Variants in SYNDIG1 observed in about 807,000 individuals in gnomAD.
The protein encoded by SYNDIG1 is synapse differentiation-inducing gene protein 1.
In SYNDIG1, 9 loss-of-function variants were observed where a neutral mutation model predicts 19.4. The observed-to-expected ratio is 0.46, with a 90% CI of 0.28 to 0.81. The LOEUF is 0.81. Among genes scored for constraint, SYNDIG1 ranks in the 30% least tolerant of loss-of-function variants. SYNDIG1 has a pLI of 0.12. For synonymous variants in SYNDIG1, 141 were observed against 145.9 expected, an observed-to-expected ratio of 0.97 and a Z score of 0.24; for missense variants, 311 against 343.3, an observed-to-expected ratio of 0.91 and a Z score of 0.74.
chr20:24,551,828 T>A (rs2057711430), intron 2 of SYNDIG1, among the ~76,000 whole-genome samples: 1 of 152,234 alleles, frequency 6.6e-6, no homozygotes, highest in South Asian at 2.1e-4. Flanking sequence ...TTAAATCTCA[T>A]TAAGGTTGAA....
chr20:24,574,033 A>T (rs1001099049), intron 2 of SYNDIG1, among the ~76,000 whole-genome samples: 23 of 152,308 alleles, frequency 1.5e-4, no homozygotes, highest in African/African-American at 5.5e-4. Context: ...CTCAGAATAC[A>T]TCTTACACTG....
At chr20:24,629,925 A>C (rs1485907275) in intron 3 of SYNDIG1, among the ~76,000 whole-genome samples, 1 of 152,154 alleles carries the variant, frequency 6.6e-6, no homozygotes, top group Non-Finnish European at 1.5e-5. Context: ...TCCTGCTGCC[A>C]AGTGGCCTTT....
intron 3 of SYNDIG1, among the ~76,000 whole-genome samples, chr20:24,615,883 A>G (rs1199517837): frequency 6.9e-6 from 1 of 144,326 alleles, no homozygotes; most frequent in Non-Finnish European, 1.5e-5. Flanking sequence ...GTCCAGGGAA[A>G]TCATTTAGCA....
At chr20:24,568,904 A>G (rs2058095770) in intron 2 of SYNDIG1, among the ~76,000 whole-genome samples, 1 of 152,126 alleles carries the variant, frequency 6.6e-6, no homozygotes, top group Admixed American at 6.5e-5. Context: ...ACCTCCACTC[A>G]TCAGCTGGGC....
chr20:24,484,898 AGGGGTTT>A (rs1407443931), intron 1 of SYNDIG1, among the ~76,000 whole-genome samples: 1 of 151,934 alleles, frequency 6.6e-6, no homozygotes, highest in African/African-American at 2.4e-5. Flanking sequence ...GCCTAGTGGG[AGGGGTTT>A]GGGTGATGGG....
intron 1 of SYNDIG1, among the ~76,000 whole-genome samples, chr20:24,513,075 A>G (rs1343858688): frequency 2.6e-5 from 4 of 152,234 alleles, no homozygotes; most frequent in Non-Finnish European, 5.9e-5. Context: ...CCTGACTGTT[A>G]GAAGGAAAAC....
In SYNDIG1 at chr20:24,542,916, C is replaced by T. The variant is rs75504580; in HGVS notation, c.-78-104C>T. 7.0e-4 allele frequency: 578 copies of T among 828,666 alleles called. 2 individuals carry two copies. In the African/African-American group the frequency reaches 8.7e-3, roughly 12 times the overall value. The allele number at this position is 828,666 out of a possible 1,614,324, so 51.3% of individuals were successfully genotyped here. A position where few individuals can be genotyped will look rare whatever the true frequency, so the allele number is the denominator to read the frequency against. ...TTATCTAACTCTCACAGTTACTATGCGTTTATCAGCTGGCTGGTACAGTCT... is the reference window on the plus strand; with the variant it reads ...TTATCTAACTCTCACAGTTACTATGTGTTTATCAGCTGGCTGGTACAGTCT... On this transcript the variant is annotated intron_variant, in intron 1 of 3. Transcript: ENST00000376862.
chr20:24,618,528 T>G (rs2058985101), intron 3 of SYNDIG1, among the ~76,000 whole-genome samples: 1 of 152,192 alleles, frequency 6.6e-6, no homozygotes, highest in South Asian at 2.1e-4. Context: ...CCTGCTATTC[T>G]GCCAACCCAA....
At chr20:24,538,611 A>G (rs1224768063) in intron 1 of SYNDIG1, among the ~76,000 whole-genome samples, 1 of 152,210 alleles carries the variant, frequency 6.6e-6, no homozygotes, top group African/African-American at 2.4e-5. Flanking sequence ...CTTTTGGTAT[A>G]TATCCAGAAG....
chr20:24,541,884 T>G (rs1486172965), intron 1 of SYNDIG1, among the ~76,000 whole-genome samples: 1 of 152,182 alleles, frequency 6.6e-6, no homozygotes, highest in African/African-American at 2.4e-5. Flanking sequence ...TAACCCTAGA[T>G]GGCAGCCTCA....
chr20:24,661,767 G>A (rs2059606608), intron 3 of SYNDIG1, among the ~76,000 whole-genome samples: 1 of 152,066 alleles, frequency 6.6e-6, no homozygotes, highest in African/African-American at 2.4e-5. Context: ...ACTAGAGCAA[G>A]ACCTGGATCC....
At chr20:24,537,764 G>C (rs2057390747) in intron 1 of SYNDIG1, among the ~76,000 whole-genome samples, 1 of 152,098 alleles carries the variant, frequency 6.6e-6, no homozygotes, top group Non-Finnish European at 1.5e-5. Flanking sequence ...AGCCTCATGA[G>C]GCTGGAAGTG....
chr20:24,477,390 TA>T (rs2055663913), intron 1 of SYNDIG1, among the ~76,000 whole-genome samples: 1 of 151,980 alleles, frequency 6.6e-6, no homozygotes, highest in African/African-American at 2.4e-5. Context: ...CCCTCCTCCC[TA>T]AGCTTTCCTG....
At chr20:24,556,793 C>G (rs2057829585) in intron 2 of SYNDIG1, among the ~76,000 whole-genome samples, 1 of 152,146 alleles carries the variant, frequency 6.6e-6, no homozygotes, top group Non-Finnish European at 1.5e-5. Flanking sequence ...CTTGGAGTTG[C>G]TCTTCTCAAG....
chr20:24,581,870 C>G lies in SYNDIG1; in HGVS notation c.481-2986C>G, dbSNP rs370449840. On this transcript the variant is annotated intron_variant, in intron 2 of 3. Coordinates refer to ENST00000376862, the MANE Select transcript of SYNDIG1 (RefSeq NM_024893.3). The stretch of plus-strand genomic sequence containing the variant: ...ATCCTCCCTACTGCAGGTCCTCACC[C>G]CTGCAAGTCCTTCCAACTGCACAGC... Among the ~76,000 whole-genome samples the G allele has an allele frequency of 1.6e-3, 241 of 150,294 alleles. 2 individuals carry two copies. Among genetic ancestry groups the G allele is most frequent in the African/African-American group, 5.8e-3 (238 of 40,804 alleles).
At chr20:24,619,223 C>T (rs2058999190) in intron 3 of SYNDIG1, among the ~76,000 whole-genome samples, 1 of 152,228 alleles carries the variant, frequency 6.6e-6, no homozygotes, top group East Asian at 1.9e-4. Context: ...CCAAACTTGA[C>T]TAGTGTTACA....
chr20:24,513,010 A>T (rs193125138), intron 1 of SYNDIG1, among the ~76,000 whole-genome samples: 1 of 152,320 alleles, frequency 6.6e-6, no homozygotes, highest in East Asian at 1.9e-4. Flanking sequence ...ATAACCAGGC[A>T]AACAGGGTCT....
chr20:24,582,201 C>T (rs1358595962), intron 2 of SYNDIG1, among the ~76,000 whole-genome samples: 19 of 119,856 alleles, frequency 1.6e-4, no homozygotes, highest in Middle Eastern at 5.3e-3. Context: ...GCACATCCTG[C>T]CCCCTGCACT....
In SYNDIG1 at chr20:24,501,514, A is replaced by T. The variant is rs111678060; in HGVS notation, c.-79+31761A>T. 2.1e-3 allele frequency among the ~76,000 whole-genome samples: 323 copies of T among 152,242 alleles called. 3 individuals are homozygous for T. The highest frequency in any genetic ancestry group is 7.2e-3 in the African/African-American group (301 of 41,528). On this transcript the variant is annotated intron_variant, in intron 1 of 3. Transcript: ENST00000376862. Reference sequence around the variant, plus strand: ...TTTATGTGGCTGCATTTCTGATGGGAAGCTATATAGAGTAGGGACTGGGGA... The same window carrying T: ...TTTATGTGGCTGCATTTCTGATGGGTAGCTATATAGAGTAGGGACTGGGGA...
Sources: allele counts gnomAD v4.1 joint callset (sites outside exome capture counted in the v4.1 genomes callset), GRCh38; gene constraint gnomAD v4.1.1; transcripts MANE v1.5; gene names NCBI Gene and HGNC (gene_info 2026-07-23, HGNC 2026-07-21).